BRIP1: variants seen among roughly 807,000 people sequenced by gnomAD.
BRIP1 encodes the protein BRCA1 interacting DNA helicase 1, also known as Fanconi anemia group J protein.
A neutral mutation model predicts 119.7 loss-of-function variants in BRIP1; 88 were observed. The observed-to-expected ratio is 0.74, with a 90% CI of 0.62 to 0.88. The LOEUF (loss-of-function observed/expected upper bound fraction) is 0.88, where lower values mean the gene tolerates loss of function less well. Among genes scored for constraint, BRIP1 ranks in the 40% least tolerant of loss-of-function variants. The probability of loss-of-function intolerance (pLI) is 0.00; values close to 1 mark genes in which losing one functional copy is unlikely to be tolerated. For synonymous variants in BRIP1, 443 were observed against 496.5 expected, an observed-to-expected ratio of 0.89 and a Z score of 1.43; for missense variants, 1,259 against 1,455.4, an observed-to-expected ratio of 0.87 and a Z score of 2.20.
Position 61,729,568 on chromosome 17 carries a change from T to C in BRIP1, c.2379+13445A>G, listed in dbSNP as rs750504439. ...AGCTAAAGAAGTGAAAGTCACTGCC[T>C]GTCAGAAGCAGGGGCTAGAAGTGGG... On this transcript the variant is annotated intron_variant, in intron 16 of 19. Coordinates refer to ENST00000259008, the MANE Select transcript of BRIP1 (RefSeq NM_032043.3). This position sits in a 1 kb window ranked among gnomAD's most constrained non-coding sequence, Gnocchi z 5.6. Among the ~76,000 whole-genome samples, 1 of 152,124 alleles carries C rather than the reference T, an allele frequency of 6.6e-6. No homozygotes were observed. The highest frequency in any genetic ancestry group is 6.6e-5 in the Admixed American group (1 of 15,262).
chr17:61,697,733 T>C lies in BRIP1; in HGVS notation c.2493-4221A>G, dbSNP rs559321319. Among the ~76,000 whole-genome samples the C allele has an allele frequency of 1.4e-4, 21 of 152,280 alleles. No individual in the cohort carries two copies. The South Asian group carries it at 3.9e-3, about 29-fold the overall frequency. ...GCTTTGGGTTTAGTTTGCTCTTTTT[T>C]TTTTCCTAATTCCTTAAGGAGGAAG... On this transcript the variant is annotated intron_variant, in intron 17 of 19. Coordinates refer to ENST00000259008, the MANE Select transcript of BRIP1 (RefSeq NM_032043.3).
Position 61,803,351 on chromosome 17 carries a change from T to C in BRIP1, c.919-1877A>G, listed in dbSNP as rs901613647. 6.6e-6 allele frequency among the ~76,000 whole-genome samples: 1 copy of C among 152,142 alleles called. No individual in the cohort carries two copies. The highest frequency in any genetic ancestry group is 1.5e-5 in the Non-Finnish European group (1 of 68,022). ...CGCCTGCCTCGGCCTCCCAAAGTGC[T>C]GGGGATTACAGGCATGAGCCACTGC... On this transcript the variant is annotated intron_variant, in intron 7 of 19. Transcript: ENST00000259008. This position sits in a 1 kb window ranked among gnomAD's most constrained non-coding sequence, Gnocchi z 4.3.
rs886851538 is a variant in BRIP1, at chr17:61,684,908, A to G, written c.2906-768T>C. 1 of 152,080 alleles carries G rather than the reference A, an allele frequency of 6.6e-6. No individual in the cohort carries two copies. The highest frequency in any genetic ancestry group is 2.4e-5 in the African/African-American group (1 of 41,412). 9.4% of individuals were successfully genotyped at this position (152,080 alleles called of 1,614,324 possible). On this transcript the variant is annotated intron_variant, in intron 19 of 19. Transcript: ENST00000259008. This position sits in a 1 kb window ranked among gnomAD's most constrained non-coding sequence, Gnocchi z 4.5. Reference sequence around the variant, plus strand: ...GCTGGGATTACAGACAGCTGCCTCCACACCCAGCTAATTTTTGTATTTTTT... The same window carrying G: ...GCTGGGATTACAGACAGCTGCCTCCGCACCCAGCTAATTTTTGTATTTTTT...
chr17:61,783,560 G>C (rs2077656039), intron 11 of BRIP1, among the ~76,000 whole-genome samples: 2 of 151,738 alleles, frequency 1.3e-5, no homozygotes, highest in Non-Finnish European at 2.9e-5. Context: ...TGTATTTTAT[G>C]TATATTTTAC....
chr17:61,781,903 G>C (rs374926133), intron 11 of BRIP1, among the ~76,000 whole-genome samples: 166 of 139,452 alleles, frequency 1.2e-3, no homozygotes, highest in Non-Finnish European at 1.8e-3. Flanking sequence ...CCTGGGTGAC[G>C]GAGCAAGACT....
In BRIP1 at chr17:61,851,138, G is replaced by A. The variant is rs1203996060; in HGVS notation, c.380-1882C>T. 6.6e-6 allele frequency among the ~76,000 whole-genome samples: 1 copy of A among 151,990 alleles called. No homozygotes were observed. Among genetic ancestry groups the A allele is most frequent in the Admixed American group, 6.6e-5 (1 of 15,256 alleles). On this transcript the variant is annotated intron_variant, in intron 4 of 19. Transcript: ENST00000259008. The surrounding 1 kb of genome is among the most constrained non-coding windows in gnomAD (Gnocchi z 4.6). ...AGCTACTTGGGAGGCTGAGGCAGGA[G>A]AATCACTTGAACCCGGGAGGCAGAG...
rs554913591 is a variant in BRIP1, at chr17:61,742,015, G to C, written c.2379+998C>G. ...GATTCTTCTACACTGAAAATCTGTT[G>C]TTTTGCGTAGCCACCTTCATCAATT... On this transcript the variant is annotated intron_variant, in intron 16 of 19. Coordinates refer to ENST00000259008, the MANE Select transcript of BRIP1 (RefSeq NM_032043.3). This position sits in a 1 kb window ranked among gnomAD's most constrained non-coding sequence, Gnocchi z 4.7. Among the ~76,000 whole-genome samples the C allele has an allele frequency of 1.8e-4, 27 of 152,336 alleles. No homozygotes were observed. The South Asian group carries it at 4.6e-3, about 26-fold the overall frequency.
In BRIP1 at chr17:61,754,029, C is replaced by T. The variant is rs2077169056; in HGVS notation, c.2098-9438G>A. Among the ~76,000 whole-genome samples the T allele has an allele frequency of 6.6e-6, 1 of 152,190 alleles. No homozygotes were observed. Among genetic ancestry groups the T allele is most frequent in the African/African-American group, 2.4e-5 (1 of 41,422 alleles). The stretch of plus-strand genomic sequence containing the variant: ...TTACTGCTACCACAGTGGTCCAAGC[C>T]ACCACCATCTATCATCTAGATTACA... On this transcript the variant is annotated intron_variant, in intron 14 of 19. Coordinates refer to ENST00000259008, the MANE Select transcript of BRIP1 (RefSeq NM_032043.3). The surrounding 1 kb of genome is among the most constrained non-coding windows in gnomAD (Gnocchi z 4.1).
At position 61,852,725 on chromosome 17, in the gene BRIP1, G is replaced by T. The variant is rs959085204; in HGVS notation, c.380-3469C>A. Among the ~76,000 whole-genome samples the T allele has an allele frequency of 6.6e-6, 1 of 152,092 alleles. No homozygotes were observed. The highest frequency in any genetic ancestry group is 1.5e-5 in the Non-Finnish European group (1 of 67,966). ...TTGATTAGGCAATTCACTAAAGAGGGTATCCAAATGACCAATAAACATATG... is the reference window on the plus strand; with the variant it reads ...TTGATTAGGCAATTCACTAAAGAGGTTATCCAAATGACCAATAAACATATG... On this transcript the variant is annotated intron_variant, in intron 4 of 19. Transcript: ENST00000259008. This position sits in a 1 kb window ranked among gnomAD's most constrained non-coding sequence, Gnocchi z 4.9.
At chr17:61,731,981 C>CTTTTTTTTTTTTT (rs71299809) in intron 16 of BRIP1, among the ~76,000 whole-genome samples, 116 of 83,018 alleles carry the variant, frequency 1.4e-3, no homozygotes, top group Middle Eastern at 0.01. Context: ...TTCTTTCTTT[C>CTTTTTTTTTTTTT]TTTTTTTTTT....
rs1567853304 is a variant in BRIP1, at chr17:61,828,235, A to G, written c.627+18866T>C. ...ATATTATTCAGCCATAAAAAGAAAT[A>G]AAATTCTGACACATACTACATGGTG... On this transcript the variant is annotated intron_variant, in intron 6 of 19. Transcript: ENST00000259008. This position sits in a 1 kb window ranked among gnomAD's most constrained non-coding sequence, Gnocchi z 4.1. 6.6e-6 allele frequency among the ~76,000 whole-genome samples: 1 copy of G among 152,228 alleles called. No homozygotes were observed. Among genetic ancestry groups the G allele is most frequent in the Non-Finnish European group, 1.5e-5 (1 of 68,044 alleles).
intron 11 of BRIP1, chr17:61,783,710 T>C (rs1200431024): frequency 2.0e-5 from 3 of 152,048 alleles, no homozygotes; most frequent in African/African-American, 7.2e-5. Flanking sequence ...AAGAAAACTT[T>C]AGCAATAGAA....
rs921777989 is a variant in BRIP1, at chr17:61,861,385, G to A, written c.93+62C>T. The A allele has an allele frequency of 1.6e-5, 17 of 1,083,072 alleles. No individual in the cohort carries two copies. The African/African-American group carries it at 2.2e-4, about 14-fold the overall frequency. The allele number at this position is 1,083,072 out of a possible 1,614,324, so 67.1% of individuals were successfully genotyped here. A position where few individuals can be genotyped will look rare whatever the true frequency, so the allele number is the denominator to read the frequency against. ...ATATGAATGCAGTCAAATACTCAATGTACTTTATGGGTCATAAGTATCTAT... is the reference window on the plus strand; with the variant it reads ...ATATGAATGCAGTCAAATACTCAATATACTTTATGGGTCATAAGTATCTAT... On this transcript the variant is annotated intron_variant, in intron 2 of 19. Transcript: ENST00000259008. The surrounding 1 kb of genome is among the most constrained non-coding windows in gnomAD (Gnocchi z 4.5).
Position 61,680,814 on chromosome 17 carries a change from A to T in BRIP1, c.*2482T>A, listed in dbSNP as rs1374138240. Among the ~76,000 whole-genome samples, 1 of 152,162 alleles carries T rather than the reference A, an allele frequency of 6.6e-6. No homozygotes were observed. Among genetic ancestry groups the T allele is most frequent in the Non-Finnish European group, 1.5e-5 (1 of 68,028 alleles). On this transcript the variant is annotated 3_prime_UTR_variant, in exon 20 of 20. Transcript: ENST00000259008. ...TTTTAAAAGTCCTCAAAATGTTTTA[A>T]TTGTAGCATTGCGAAAATAAATATC...
At chr17:61,813,479 G>A (rs895289795) in intron 6 of BRIP1, among the ~76,000 whole-genome samples, 2 of 151,948 alleles carry the variant, frequency 1.3e-5, no homozygotes, top group African/African-American at 2.4e-5. Flanking sequence ...CTGTACCCAT[G>A]CATTACAATT....
In BRIP1 at chr17:61,776,636, G is replaced by A. The variant is rs2145036607; in HGVS notation, c.1936-74C>T. The A allele has an allele frequency of 6.8e-7, 1 of 1,459,974 alleles. No homozygotes were observed. The highest frequency in any genetic ancestry group is 1.2e-5 in the South Asian group (1 of 86,168). The allele number at this position is 1,459,974 out of a possible 1,614,324, so 90.4% of individuals were successfully genotyped here. ...GAAATTAGTATTTATTTGGAAGTAT[G>A]TACATAAAAGATCAAGCAACAAGTT... is the stretch of plus-strand genomic sequence containing the variant. On this transcript the variant is annotated intron_variant, in intron 13 of 19. Transcript: ENST00000259008. The surrounding 1 kb of genome is among the most constrained non-coding windows in gnomAD (Gnocchi z 5.0).
At chr17:61,698,942 C>A (rs984468229) in intron 17 of BRIP1, among the ~76,000 whole-genome samples, 1 of 152,094 alleles carries the variant, frequency 6.6e-6, no homozygotes, top group Admixed American at 6.5e-5. Flanking sequence ...GTCTTGAACT[C>A]CTAAGCTCAA....
Position 61,825,023 on chromosome 17 carries a change from C to T in BRIP1, c.628-16266G>A, listed in dbSNP as rs1349388410. Among the ~76,000 whole-genome samples the T allele has an allele frequency of 5.3e-5, 8 of 152,164 alleles. No individual in the cohort carries two copies. The highest frequency in any genetic ancestry group is 2.1e-4 in the South Asian group (1 of 4,814). ...AAGCCCGGCCGGGTGCAGTGGCTCA[C>T]GCCTGTAATCCCAACACTTTGGGAG... On this transcript the variant is annotated intron_variant, in intron 6 of 19. Transcript: ENST00000259008. This position sits in a 1 kb window ranked among gnomAD's most constrained non-coding sequence, Gnocchi z 4.1.
rs964755343 is a variant in BRIP1 at position 61,796,286 on chromosome 17, T to G, written c.1341-2557A>C. On this transcript the variant is annotated intron_variant, in intron 9 of 19. Transcript: ENST00000259008. This position sits in a 1 kb window ranked among gnomAD's most constrained non-coding sequence, Gnocchi z 4.8. ...TGATCCCATCTGTCCATTTTTGCTT[T>G]GGTTACCTGTGCTTGTGGGGTATTG... 7.2e-5 allele frequency among the ~76,000 whole-genome samples: 11 copies of G among 152,160 alleles called. No individual in the cohort carries two copies. Among genetic ancestry groups the G allele is most frequent in the Non-Finnish European group, 2.9e-5 (2 of 68,016 alleles).
Sources: allele counts gnomAD v4.1 joint callset (sites outside exome capture counted in the v4.1 genomes callset), GRCh38; gene constraint gnomAD v4.1.1; non-coding constraint Gnocchi (gnomAD v3.1); transcripts MANE v1.5; gene names NCBI Gene and HGNC (gene_info 2026-07-23, HGNC 2026-07-21).